The following TMEM161B variants were observed in gnomAD, a reference collection of about 807,000 sequenced individuals.
The protein encoded by TMEM161B is transmembrane protein 161B.
In TMEM161B, 34 loss-of-function variants were observed where a neutral mutation model predicts 61.8. The observed-to-expected ratio is 0.55, with a 90% confidence interval of 0.42 to 0.73. The LOEUF is 0.73. Among genes scored for constraint, TMEM161B ranks in the 30% least tolerant of loss-of-function variants. The pLI is 0.00. For synonymous variants in TMEM161B, 167 were observed against 192.8 expected (o/e 0.87, Z 1.11); for missense variants, 456 against 558.5 (o/e 0.82, Z 1.85).
intron 1 of TMEM161B, among the ~76,000 whole-genome samples, chr5:88,241,695 T>C (rs1184762807): frequency 6.6e-6 from 1 of 151,754 alleles, no homozygotes; most frequent in Admixed American, 6.6e-5. Flanking sequence ...GGTCTTAATG[T>C]CCAACAATCC....
intron 5 of TMEM161B, among the ~76,000 whole-genome samples, chr5:88,218,506 G>A (rs1410931889): frequency 6.6e-6 from 1 of 152,120 alleles, no homozygotes; most frequent in African/African-American, 2.4e-5. Flanking sequence ...AAAATCAGAT[G>A]GCTGGGCGCA....
chr5:88,247,582 A>G (rs908002729), intron 1 of TMEM161B, among the ~76,000 whole-genome samples: 1 of 152,142 alleles, frequency 6.6e-6, no homozygotes, highest in African/African-American at 2.4e-5. Flanking sequence ...TTTTAGAGAC[A>G]GCAAGATATG....
downstream of TMEM161B, among the ~76,000 whole-genome samples, chr5:88,192,974 T>C (rs1218615521): frequency 2.0e-5 from 3 of 152,300 alleles, no homozygotes; most frequent in East Asian, 5.8e-4. Context: ...ATATCTCTTC[T>C]GAATCATAAC....
chr5:88,197,838 G>T, intron 10 of TMEM161B, 73 bp from the exon 11 acceptor site: 2 of 1,265,230 alleles, frequency 1.6e-6, no homozygotes, highest in Non-Finnish European at 1.1e-6. Context: ...TCATATAATT[G>T]CCATACCAAA....
At chr5:88,262,282 T>C (rs901068463) in intron 1 of TMEM161B, among the ~76,000 whole-genome samples, 11 of 152,192 alleles carry the variant, frequency 7.2e-5, no homozygotes, top group South Asian at 2.1e-4. Context: ...GGCAAGAATG[T>C]AGAGCAATGG....
At chr5:88,192,230 G>A (rs1749029087), downstream of TMEM161B, among the ~76,000 whole-genome samples, 1 of 150,852 alleles carries the variant, frequency 6.6e-6, no homozygotes, top group Admixed American at 6.6e-5. Context: ...AGTGGTGGGA[G>A]GAAAACAAAA....
intron 2 of TMEM161B, among the ~76,000 whole-genome samples, chr5:88,240,136 T>A (rs369791750): frequency 6.6e-6 from 1 of 151,856 alleles, no homozygotes; most frequent in East Asian, 1.9e-4. Flanking sequence ...AGCTCCTTTG[T>A]GGAAGGAGTA....
At chr5:88,234,966 T>C (rs1183508524) in intron 2 of TMEM161B, among the ~76,000 whole-genome samples, 1 of 152,190 alleles carries the variant, frequency 6.6e-6, no homozygotes, top group African/African-American at 2.4e-5. Context: ...GCTTTTACTT[T>C]GGCTACTTGG....
chr5:88,190,604 G>A (rs748097076), downstream of TMEM161B, among the ~76,000 whole-genome samples: 3 of 152,162 alleles, frequency 2.0e-5, no homozygotes, highest in Admixed American at 6.5e-5. Context: ...GAGTCAGTGC[G>A]GGAATTCCCC....
At chr5:88,255,873 A>T (rs1754923760) in intron 1 of TMEM161B, among the ~76,000 whole-genome samples, 1 of 152,106 alleles carries the variant, frequency 6.6e-6, no homozygotes, top group Admixed American at 6.6e-5. Flanking sequence ...GCCTAGATAC[A>T]TTCTAAATTT....
At chr5:88,253,537 C>T (rs1754609567) in intron 1 of TMEM161B, among the ~76,000 whole-genome samples, 1 of 152,138 alleles carries the variant, frequency 6.6e-6, no homozygotes, top group Non-Finnish European at 1.5e-5. Flanking sequence ...GAACAAATGG[C>T]ACAATCCAGA....
intron 3 of TMEM161B, among the ~76,000 whole-genome samples, chr5:88,227,883 C>T (rs1486970365): frequency 6.6e-6 from 1 of 152,114 alleles, no homozygotes; most frequent in Non-Finnish European, 1.5e-5. Flanking sequence ...TTATTCAAAA[C>T]ATTGTTTTGT....
chr5:88,187,437 A>G (rs568422415), downstream of TMEM161B, among the ~76,000 whole-genome samples: 1 of 152,338 alleles, frequency 6.6e-6, no homozygotes, highest in East Asian at 1.9e-4. Flanking sequence ...TTTATACAAC[A>G]TTGAGTCTTC....
At chr5:88,192,020 A>C (rs1266486363), downstream of TMEM161B, among the ~76,000 whole-genome samples, 1 of 78,926 alleles carries the variant, frequency 1.3e-5, no homozygotes, top group Non-Finnish European at 2.5e-5. Context: ...ATATATATAT[A>C]TATATATGTA....
intron 3 of TMEM161B, among the ~76,000 whole-genome samples, chr5:88,227,445 G>A (rs560498671): frequency 1.3e-5 from 2 of 152,212 alleles, no homozygotes; most frequent in Admixed American, 6.5e-5. Flanking sequence ...AAGTGCTCTG[G>A]AAACTATAAT....
intron 10 of TMEM161B, 159 bp downstream of exon 10, chr5:88,198,817 T>C (rs1165991408): frequency 2.9e-6 from 2 of 681,684 alleles, no homozygotes; most frequent in African/African-American, 1.8e-5. Context: ...CAAAATCAGA[T>C]CAAGGTCTCT....
chr5:88,263,145 T>C (rs534771584), intron 1 of TMEM161B, among the ~76,000 whole-genome samples: 1 of 152,246 alleles, frequency 6.6e-6, no homozygotes, highest in South Asian at 2.1e-4. Flanking sequence ...TAAATATGGG[T>C]ACCAGGCACG....
intron 1 of TMEM161B, among the ~76,000 whole-genome samples, chr5:88,252,175 G>A (rs556073859): frequency 2.0e-5 from 3 of 152,238 alleles, no homozygotes; most frequent in Non-Finnish European, 2.9e-5. Context: ...GAAAAGTAAA[G>A]AGAAGGGAAT....
At chr5:88,240,107 T>C (rs1224508500) in intron 2 of TMEM161B, among the ~76,000 whole-genome samples, 1 of 151,642 alleles carries the variant, frequency 6.6e-6, no homozygotes, top group Non-Finnish European at 1.5e-5. Flanking sequence ...GGGAGGTACA[T>C]GTTTCAGCAA....
Sources: gnomAD v4.1 joint callset for allele counts (sites outside exome capture counted in the v4.1 genomes callset) on GRCh38, gnomAD v4.1.1 for gene constraint, MANE v1.5 for transcripts, NCBI Gene and HGNC (gene_info 2026-07-23, HGNC 2026-07-21) for gene names.